Variants in KIF1B observed in about 807,000 individuals in gnomAD.
The protein encoded by KIF1B is kinesin-like protein KIF1B.
Under a neutral mutation model 241.9 loss-of-function variants are expected in KIF1B, and 76 were observed. That is an observed-to-expected ratio of 0.31 (90% CI 0.26 to 0.38). KIF1B has a LOEUF of 0.38. Ranked by LOEUF, KIF1B falls within the 10% of genes least tolerant of loss-of-function variation. KIF1B has a pLI of 1.00. For synonymous variants in KIF1B, 750 were observed against 796.7 expected (o/e 0.94, Z 0.99); for missense variants, 1,622 against 2,271.4 (o/e 0.71, Z 5.81).
At chr1:10,251,071 C>T (rs977934075) in intron 2 of KIF1B, among the ~76,000 whole-genome samples, 15 of 151,770 alleles carry the variant, frequency 9.9e-5, no homozygotes, top group African/African-American at 3.6e-4. Flanking sequence ...GAGGCTGAGA[C>T]AGGAGAATCG....
intron 22 of KIF1B, chr1:10,305,899 C>T: frequency 9.5e-7 from 1 of 1,052,920 alleles, no homozygotes; most frequent in Non-Finnish European, 1.1e-6. Flanking sequence ...TCCGAAATTG[C>T]CTGACTTCAT....
chr1:10,351,030 G>A (rs1330859956), intron 37 of KIF1B, among the ~76,000 whole-genome samples: 1 of 145,284 alleles, frequency 6.9e-6, no homozygotes, highest in Non-Finnish European at 1.5e-5. Context: ...CGAGGCTGCA[G>A]TGAACCATGA....
intron 15 of KIF1B, among the ~76,000 whole-genome samples, chr1:10,282,987 C>A (rs1367485881): frequency 6.6e-6 from 1 of 151,934 alleles, no homozygotes; most frequent in Non-Finnish European, 1.5e-5. Flanking sequence ...CGGGGTGGAT[C>A]ACGAGGTCAG....
At chr1:10,274,992 G>A (rs866365846) in intron 10 of KIF1B, 36 of 339,390 alleles carry the variant, frequency 1.1e-4, no homozygotes, top group African/African-American at 6.2e-4. Context: ...TTTGAATTTG[G>A]TCATTGTTTT....
At position 10,210,685 on chromosome 1, in the gene KIF1B, T is replaced by TGTCCGCC. The variant is rs1389021948; in HGVS notation, c.-271_-265dup. 1 of 151,552 alleles carries TGTCCGCC rather than the reference T, an allele frequency of 6.6e-6. No homozygotes were observed. Among genetic ancestry groups the TGTCCGCC allele is most frequent in the African/African-American group, 2.4e-5 (1 of 41,318 alleles). 9.4% of individuals were successfully genotyped at this position (151,552 alleles called of 1,614,324 possible). ...CTGGCCTCCCGCACTCGCGCACTCC[T>TGTCCGCC]GTCCGCCGCCCACCGCCCACCTCCC... On this transcript the variant is annotated 5_prime_UTR_variant, in exon 1 of 49. Transcript: ENST00000676179. The surrounding 1 kb of genome is among the most constrained non-coding windows in gnomAD (Gnocchi z 4.1).
At position 10,374,377 on chromosome 1, in the gene KIF1B, G is replaced by A. The variant is rs745444286; in HGVS notation, c.5008G>A (p.Val1670Ile). Residue 1670 changes from valine (V) to isoleucine (I), a missense_variant, in exon 46 of 49, where the codon GTC becomes ATC. Transcript: ENST00000676179. The surrounding 1 kb of genome is among the most constrained non-coding windows in gnomAD (Gnocchi z 4.3). ...PCPEFEQFQI[V>I]PAVETPYLAR... ...CCCAGAATTTGAACAGTTTCAGATTGTCCCAGCTGTGGAAACACCATATTT... is the reference window on the plus strand; with the variant it reads ...CCCAGAATTTGAACAGTTTCAGATTATCCCAGCTGTGGAAACACCATATTT... The A allele has an allele frequency of 2.5e-6, 4 of 1,614,136 alleles. No homozygotes were observed. The highest frequency in any genetic ancestry group is 2.2e-5 in the South Asian group (2 of 91,080).
chr1:10,370,834 G>T (rs553083444), intron 44 of KIF1B, among the ~76,000 whole-genome samples: 1 of 151,678 alleles, frequency 6.6e-6, no homozygotes, highest in East Asian at 1.9e-4. Flanking sequence ...GGTGGTACAC[G>T]CTTGTAGTCC....
Position 10,337,331 on chromosome 1 carries a change from A to G in KIF1B, c.3260-40A>G, listed in dbSNP as rs1196668063. ...GCATGCCCAACTCCCTCCTCTTTGC[A>G]TTATTTGAACCATCTGTGTCTTCAT... On this transcript the variant is annotated intron_variant, in intron 30 of 48. Transcript: ENST00000676179. The surrounding 1 kb of genome is among the most constrained non-coding windows in gnomAD (Gnocchi z 4.0). 6 of 1,613,832 alleles carry G rather than the reference A, an allele frequency of 3.7e-6. No individual in the cohort carries two copies. The highest frequency in any genetic ancestry group is 1.3e-5 in the African/African-American group (1 of 74,914).
chr1:10,291,274 C>A, intron 16 of KIF1B, 113 bp downstream of exon 16: 1 of 814,776 alleles, frequency 1.2e-6, no homozygotes, highest in Non-Finnish European at 1.9e-6. Flanking sequence ...CCTTCTAAAA[C>A]ACAAAACGAA....
At chr1:10,319,605 G>A (rs1651446079) in intron 22 of KIF1B, among the ~76,000 whole-genome samples, 1 of 152,044 alleles carries the variant, frequency 6.6e-6, no homozygotes, top group Non-Finnish European at 1.5e-5. Context: ...CTTCCAAAGA[G>A]TTAGATAATT....
chr1:10,240,103 C>A (rs1050474861), intron 2 of KIF1B, among the ~76,000 whole-genome samples: 2 of 152,260 alleles, frequency 1.3e-5, no homozygotes, highest in East Asian at 3.9e-4. Context: ...AGGGTTTCCC[C>A]GTATTGGCCA....
At chr1:10,229,395 A>G (rs552403274) in intron 1 of KIF1B, among the ~76,000 whole-genome samples, 6 of 152,320 alleles carry the variant, frequency 3.9e-5, no homozygotes, top group African/African-American at 1.4e-4. Flanking sequence ...CATTTCATCA[A>G]CATTTACTGA....
Position 10,232,270 on chromosome 1 carries a change from AAAG to A in KIF1B, c.-54_-52del. 7.4e-7 allele frequency: 1 copy of A among 1,351,380 alleles called. No individual in the cohort carries two copies. The highest frequency in any genetic ancestry group is 1.0e-6 in the Non-Finnish European group (1 of 958,238). 83.7% of individuals were successfully genotyped at this position (1,351,380 alleles called of 1,614,324 possible). A position where few individuals can be genotyped will look rare whatever the true frequency, so the allele number is the denominator to read the frequency against. On this transcript the variant is annotated 5_prime_UTR_variant, in exon 2 of 49. Coordinates refer to ENST00000676179, the MANE Select transcript of KIF1B (RefSeq NM_001365951.3). The stretch of plus-strand genomic sequence containing the variant: ...CAAAGGAAACTTGGCTGTAACTTCA[AAAG>A]AAGATTTGATTCTTTATTTCTGGAC...
At chr1:10,266,606 C>G (rs1037461126) in intron 5 of KIF1B, among the ~76,000 whole-genome samples, 1 of 152,210 alleles carries the variant, frequency 6.6e-6, no homozygotes, top group Non-Finnish European at 1.5e-5. Flanking sequence ...CATCACCCGT[C>G]TGTTTTGTCT....
At chr1:10,214,629 C>T (rs1349355471) in intron 1 of KIF1B, among the ~76,000 whole-genome samples, 1 of 148,830 alleles carries the variant, frequency 6.7e-6, no homozygotes, top group Non-Finnish European at 1.5e-5. Context: ...GTCACTCAGG[C>T]TGGAGTGTAG....
rs1652216624 is a variant in KIF1B at position 10,337,299 on chromosome 1, A to G, written c.3260-72A>G. Reference sequence around the variant, plus strand: ...ACATAGTGGCCTTCATCAACTAGGAATGGAAAGCATGCCCAACTCCCTCCT... The same window carrying G: ...ACATAGTGGCCTTCATCAACTAGGAGTGGAAAGCATGCCCAACTCCCTCCT... On this transcript the variant is annotated intron_variant, in intron 30 of 48. Coordinates refer to ENST00000676179, the MANE Select transcript of KIF1B (RefSeq NM_001365951.3). This position sits in a 1 kb window ranked among gnomAD's most constrained non-coding sequence, Gnocchi z 4.0. 2.5e-6 allele frequency: 4 copies of G among 1,612,308 alleles called. No individual in the cohort carries two copies. The African/African-American group carries it at 4.0e-5, about 16-fold the overall frequency.
chr1:10,375,786 G>GTTTTTTTTTTTTTTTTTTTTTT (rs201620952), intron 48 of KIF1B, among the ~76,000 whole-genome samples: 2 of 69,566 alleles, frequency 2.9e-5, no homozygotes, highest in Non-Finnish European at 5.2e-5. Flanking sequence ...TTCTTTTCTT[G>GTTTTTTTTTTTTTTTTTTTTTT]TTTTTTTTTT....
intron 1 of KIF1B, among the ~76,000 whole-genome samples, chr1:10,215,198 C>T (rs768804726): frequency 1.2e-4 from 9 of 74,208 alleles, no homozygotes; most frequent in South Asian, 4.7e-4. Flanking sequence ...TTTTTTGAGA[C>T]GGAGTTTCAC....
At chr1:10,296,806 T>G (rs1650286984) in intron 20 of KIF1B, 91 bp from the exon 21 acceptor site, 2 of 1,381,190 alleles carry the variant, frequency 1.4e-6, no homozygotes, top group South Asian at 2.4e-5. Flanking sequence ...CTGAAAGCTG[T>G]CTTTTCACAT....
Sources: allele counts gnomAD v4.1 joint callset (sites outside exome capture counted in the v4.1 genomes callset), GRCh38; gene constraint gnomAD v4.1.1; non-coding constraint Gnocchi (gnomAD v3.1); transcripts MANE v1.5; gene names NCBI Gene and HGNC (gene_info 2026-07-23, HGNC 2026-07-21).